Variants in SYT14 observed in about 807,000 individuals in gnomAD.
SYT14 encodes synaptotagmin-14.
SYT14 carries 32 observed loss-of-function variants against 74.2 expected under a neutral mutation model. The ratio of observed to expected loss-of-function variants is 0.43; its 90% CI spans 0.33 to 0.58. SYT14 has a LOEUF of 0.58. Ranked by LOEUF, SYT14 falls within the 20% of genes least tolerant of loss-of-function variation. SYT14 has a pLI of 0.05. For missense variants in SYT14, 791 were observed against 981.8 expected (o/e 0.81, Z 2.60); for synonymous variants, 298 against 337.7 (o/e 0.88, Z 1.29).
At chr1:210,089,903 ACTGGCTACAGAATTTT>A (rs2081829090) in intron 5 of SYT14, among the ~76,000 whole-genome samples, 1 of 152,256 alleles carries the variant, frequency 6.6e-6, no homozygotes, top group Non-Finnish European at 1.5e-5. Context: ...GCCCAAGAGC[ACTGGCTACAGAATTTT>A]CTGGGATTTA....
At chr1:210,137,535 T>C (rs1329661408) in intron 7 of SYT14, among the ~76,000 whole-genome samples, 2 of 152,060 alleles carry the variant, frequency 1.3e-5, no homozygotes, top group Non-Finnish European at 2.9e-5. Context: ...CAACTAGATA[T>C]GTTAAAACTT....
chr1:209,946,107 A>G (rs971219287), intron 1 of SYT14, among the ~76,000 whole-genome samples: 3 of 152,192 alleles, frequency 2.0e-5, no homozygotes, highest in Non-Finnish European at 4.4e-5. Context: ...TAGTTGATAA[A>G]TGTTGTGTGT....
chr1:210,141,285 T>C (rs1179462801), intron 7 of SYT14, among the ~76,000 whole-genome samples: 1 of 152,196 alleles, frequency 6.6e-6, no homozygotes, highest in Non-Finnish European at 1.5e-5. Context: ...TCTATTCATA[T>C]TGAGGCTATT....
intron 4 of SYT14, among the ~76,000 whole-genome samples, chr1:210,019,344 C>T (rs751039946): frequency 2.6e-5 from 4 of 151,982 alleles, no homozygotes; most frequent in African/African-American, 4.8e-5. Flanking sequence ...GTCTTAGGCT[C>T]GGCCATCTCA....
intron 5 of SYT14, among the ~76,000 whole-genome samples, chr1:210,067,042 G>A (rs1445654050): frequency 6.6e-6 from 1 of 151,856 alleles, no homozygotes; most frequent in Non-Finnish European, 1.5e-5. Context: ...TAACCACTTA[G>A]CACCATTTGT....
intron 5 of SYT14, among the ~76,000 whole-genome samples, chr1:210,090,944 A>C (rs984229011): frequency 1.3e-5 from 2 of 152,216 alleles, no homozygotes; most frequent in Non-Finnish European, 2.9e-5. Flanking sequence ...AATAAAATGC[A>C]AAAATGAAGT....
At chr1:210,170,918 T>C (rs2083518805) in exon 10 of SYT14, 1 of 152,174 alleles carries the variant, frequency 6.6e-6, no homozygotes, top group South Asian at 2.1e-4. Flanking sequence ...TTTAAAAATA[T>C]TCTCCTTTAA....
At chr1:210,122,431 C>T (rs2082485797) in intron 7 of SYT14, among the ~76,000 whole-genome samples, 1 of 152,182 alleles carries the variant, frequency 6.6e-6, no homozygotes, top group African/African-American at 2.4e-5. Flanking sequence ...TCTTGGTTGT[C>T]ATGGCAGAGA....
chr1:210,053,225 T>A (rs1005618608), intron 5 of SYT14, among the ~76,000 whole-genome samples: 10 of 152,232 alleles, frequency 6.6e-5, no homozygotes, highest in Non-Finnish European at 2.9e-5. Flanking sequence ...TATGCCACTG[T>A]AATTTTATTT....
At chr1:209,962,818 A>G (rs1371502121) in intron 2 of SYT14, among the ~76,000 whole-genome samples, 1 of 152,084 alleles carries the variant, frequency 6.6e-6, no homozygotes, top group Non-Finnish European at 1.5e-5. Context: ...GGTGATGAAG[A>G]CTATGAGAGC....
At chr1:210,068,013 T>A (rs1394493813) in intron 5 of SYT14, among the ~76,000 whole-genome samples, 1 of 151,864 alleles carries the variant, frequency 6.6e-6, no homozygotes, top group African/African-American at 2.4e-5. Context: ...TGAATATGCC[T>A]CTTGTTTCTG....
intron 5 of SYT14, among the ~76,000 whole-genome samples, chr1:210,078,033 G>A (rs751143981): frequency 2.0e-5 from 3 of 152,126 alleles, no homozygotes; most frequent in Non-Finnish European, 2.9e-5. Flanking sequence ...CATCTAGGCC[G>A]GGCGCGGTGG....
intron 5 of SYT14, among the ~76,000 whole-genome samples, chr1:210,055,677 G>A (rs900159208): frequency 5.3e-5 from 8 of 151,270 alleles, no homozygotes; most frequent in Non-Finnish European, 1.0e-4. Context: ...CAAAGAATTA[G>A]CTGGGTATGG....
intron 5 of SYT14, among the ~76,000 whole-genome samples, chr1:210,053,440 A>G (rs1180559578): frequency 1.3e-5 from 2 of 152,254 alleles, no homozygotes; most frequent in East Asian, 3.8e-4. Context: ...CTTTTTAGGC[A>G]GTGAAGGCCA....
At chr1:210,130,794 A>G (rs2082657723) in intron 7 of SYT14, among the ~76,000 whole-genome samples, 1 of 152,060 alleles carries the variant, frequency 6.6e-6, no homozygotes, top group African/African-American at 2.4e-5. Flanking sequence ...TACAGAAACA[A>G]CAGTAATAAC....
In SYT14 at chr1:210,032,526, C is replaced by A. The variant is rs531194336; in HGVS notation, c.1312+11272C>A. On this transcript the variant is annotated intron_variant, in intron 5 of 9. Coordinates refer to ENST00000637265, the Ensembl canonical transcript of SYT14. ...TAAAAATGGAAGTAAAAAGGGGGAG[C>A]AGAGGAAAACCTAGCTTGAGTTAGA... 2.0e-5 allele frequency among the ~76,000 whole-genome samples: 3 copies of A among 151,816 alleles called. No individual in the cohort carries two copies. The East Asian group carries it at 5.8e-4, about 29-fold the overall frequency.
At chr1:210,044,912 T>C (rs2080857555) in intron 5 of SYT14, among the ~76,000 whole-genome samples, 1 of 152,052 alleles carries the variant, frequency 6.6e-6, no homozygotes, top group African/African-American at 2.4e-5. Flanking sequence ...GGCAGGGATG[T>C]CCCAGACTTT....
chr1:210,153,858 C>T (rs1288947395), intron 7 of SYT14, among the ~76,000 whole-genome samples: 2 of 152,042 alleles, frequency 1.3e-5, no homozygotes, highest in East Asian at 3.9e-4. Flanking sequence ...CTATTAAGTA[C>T]GATGTTGCAT....
At chr1:210,012,881 T>C (rs1269447940) in intron 2 of SYT14, among the ~76,000 whole-genome samples, 1 of 151,992 alleles carries the variant, frequency 6.6e-6, no homozygotes, top group South Asian at 2.1e-4. Context: ...TTTGTACTTT[T>C]AGTAGAGACA....
Sources: gnomAD v4.1 joint callset for allele counts (sites outside exome capture counted in the v4.1 genomes callset) on GRCh38, gnomAD v4.1.1 for gene constraint, MANE v1.5 for transcripts, NCBI Gene and HGNC (gene_info 2026-07-23, HGNC 2026-07-21) for gene names.